IL7: variants seen among roughly 807,000 people sequenced by gnomAD.
IL7 encodes the protein interleukin-7.
Under a neutral mutation model 21.6 loss-of-function variants are expected in IL7, and 3 were observed. The observed-to-expected ratio is 0.14, with a 90% CI of 0.06 to 0.36. The LOEUF is 0.36. IL7 is among the 10% of genes least tolerant of loss of function. IL7 has a pLI of 1.00. For missense variants in IL7, 175 were observed against 200.2 expected, an observed-to-expected ratio of 0.87 and a Z score of 0.76; for synonymous variants, 62 against 68.1, an observed-to-expected ratio of 0.91 and a Z score of 0.44.
chr8:78,766,442 C>T (rs374131865), intron 2 of IL7, among the ~76,000 whole-genome samples: 1 of 152,080 alleles, frequency 6.6e-6, no homozygotes, highest in East Asian at 1.9e-4. Context: ...GACCTCTATA[C>T]TTTCAGCTCA....
chr8:78,706,685 C>A (rs958248015), intron 3 of IL7, among the ~76,000 whole-genome samples: 1 of 152,104 alleles, frequency 6.6e-6, no homozygotes, highest in African/African-American at 2.4e-5. Context: ...GATGAAGGTG[C>A]TGTATTTACT....
chr8:78,724,416 A>T (rs968405086), intron 3 of IL7, among the ~76,000 whole-genome samples: 1 of 151,994 alleles, frequency 6.6e-6, no homozygotes, highest in African/African-American at 2.4e-5. Context: ...TTTAAAGCTT[A>T]ATTTTTTAAA....
chr8:78,760,541 C>T, intron 2 of IL7: 1 of 1,541,590 alleles, frequency 6.5e-7, no homozygotes, highest in East Asian at 2.3e-5. Flanking sequence ...TAAGTCACTT[C>T]TATACATGTC....
chr8:78,802,463 T>C (rs2130854690), intron 1 of IL7, among the ~76,000 whole-genome samples: 1 of 151,516 alleles, frequency 6.6e-6, no homozygotes, highest in South Asian at 2.1e-4. Context: ...TGGAGTCTCA[T>C]TCTATCATCT....
At chr8:78,756,432 A>C (rs959101769) in intron 2 of IL7, among the ~76,000 whole-genome samples, 1 of 151,920 alleles carries the variant, frequency 6.6e-6, no homozygotes, top group Non-Finnish European at 1.5e-5. Flanking sequence ...ACTCAGAAAT[A>C]AAGCCATCTG....
At chr8:78,753,539 G>A (rs934987010) in intron 2 of IL7, among the ~76,000 whole-genome samples, 1 of 152,154 alleles carries the variant, frequency 6.6e-6, no homozygotes, top group Non-Finnish European at 1.5e-5. Flanking sequence ...TGTTCACTCT[G>A]ATTATAGTTT....
chr8:78,717,503 CA>C (rs5892663), downstream of IL7: 20,311 of 1,224,396 alleles, frequency 0.017, 3 homozygotes, highest in South Asian at 0.034. Flanking sequence ...AATAGAATCT[CA>C]AAAAAAAAAA....
chr8:78,756,865 G>C (rs1812365341), intron 2 of IL7, among the ~76,000 whole-genome samples: 1 of 151,484 alleles, frequency 6.6e-6, no homozygotes, highest in African/African-American at 2.4e-5. Flanking sequence ...ATTTAGTTTA[G>C]TTTAGCTTTT....
intron 2 of IL7, among the ~76,000 whole-genome samples, chr8:78,742,094 G>T (rs145392869): frequency 6.6e-6 from 1 of 151,282 alleles, no homozygotes; most frequent in Non-Finnish European, 1.5e-5. Context: ...TGGGTAGATC[G>T]TGAGGTCAGT....
rs746465488 is a variant in IL7 at position 78,804,946 on chromosome 8, CATG to C, written c.-27_-25del. 279 of 1,610,626 alleles carry C rather than the reference CATG, an allele frequency of 1.7e-4. 2 individuals carry two copies. In the East Asian group the frequency reaches 6.2e-3, roughly 36 times the overall value. ...ATGGTCTGCGGGAGGCGGGCGTAGT[CATG>C]ATGACCGCAACTGGAGCAGGAGCAA... On this transcript the variant is annotated 5_prime_UTR_variant, in exon 1 of 6. In the 5' UTR this introduces an upstream ATG that the reference lacks. Coordinates refer to ENST00000263851, the MANE Select transcript of IL7 (RefSeq NM_000880.4).
chr8:78,685,450 T>C (rs1563625200), intron 4 of IL7, among the ~76,000 whole-genome samples: 3 of 152,166 alleles, frequency 2.0e-5, no homozygotes. Flanking sequence ...GATCAGTAAA[T>C]TAAACTGTAA....
chr8:78,689,330 T>A, intron 3 of IL7: 1 of 1,602,658 alleles, frequency 6.2e-7, no homozygotes, highest in South Asian at 1.1e-5. Context: ...AAAGGGAAAT[T>A]TTCTACAGAT....
intron 3 of IL7, among the ~76,000 whole-genome samples, chr8:78,686,117 T>C (rs577073378): frequency 3.3e-5 from 5 of 152,278 alleles, no homozygotes; most frequent in African/African-American, 9.6e-5. Flanking sequence ...CTTTCAGATG[T>C]CCCCACCTCG....
chr8:78,719,101 C>T (rs1244108068), exon 6 of IL7: 1 of 151,686 alleles, frequency 6.6e-6, no homozygotes, highest in Non-Finnish European at 1.5e-5. Context: ...AGTCCATCAA[C>T]TAAAATAAGC....
chr8:78,770,950 T>C (rs1010997254), intron 2 of IL7, among the ~76,000 whole-genome samples: 1 of 152,098 alleles, frequency 6.6e-6, no homozygotes. Context: ...TTATCTAATG[T>C]GTGTTCTGTA....
chr8:78,782,830 C>G (rs139277695), intron 2 of IL7, among the ~76,000 whole-genome samples: 4 of 152,076 alleles, frequency 2.6e-5, no homozygotes, highest in East Asian at 3.9e-4. Context: ...CTCCTCCCCC[C>G]AGAAGCTCCA....
chr8:78,737,866 T>G (rs926615957), intron 4 of IL7, among the ~76,000 whole-genome samples: 29 of 152,150 alleles, frequency 1.9e-4, no homozygotes, highest in Non-Finnish European at 3.8e-4. Flanking sequence ...ACTAAGCACT[T>G]TACATGTGTT....
At chr8:78,698,546 A>G (rs763885302) in intron 3 of IL7, 1 of 1,432,172 alleles carries the variant, frequency 7.0e-7, no homozygotes, top group Non-Finnish European at 9.6e-7. Flanking sequence ...TATTAGTGGT[A>G]TATAATTAAA....
intron 1 of IL7, among the ~76,000 whole-genome samples, chr8:78,799,052 C>T (rs1054105843): frequency 2.6e-5 from 4 of 152,134 alleles, no homozygotes; most frequent in East Asian, 1.9e-4. Context: ...TTCCCACAAA[C>T]ATTAAAATCT....
Sources: allele counts gnomAD v4.1 joint callset (sites outside exome capture counted in the v4.1 genomes callset), GRCh38; gene constraint gnomAD v4.1.1; transcripts MANE v1.5; gene names NCBI Gene and HGNC (gene_info 2026-07-23, HGNC 2026-07-21).